FBXW7: variants seen among roughly 807,000 people sequenced by gnomAD.
FBXW7 encodes F-box and WD repeat domain containing 7, also known as F-box/WD repeat-containing protein 7.
A neutral mutation model predicts 86.3 loss-of-function variants in FBXW7; 11 were observed. The observed-to-expected ratio is 0.13, with a 90% confidence interval of 0.08 to 0.21. The LOEUF (loss-of-function observed/expected upper bound fraction) is 0.21. Ranked by LOEUF, FBXW7 falls within the 10% of genes least tolerant of loss-of-function variation. FBXW7 has a pLI of 1.00. For missense variants in FBXW7, 488 were observed against 847.4 expected, an observed-to-expected ratio of 0.58 and a Z score of 5.27; for synonymous variants, 313 against 297.9, an observed-to-expected ratio of 1.05 and a Z score of -0.52.
At chr4:152,371,172 T>C (rs1180960544) in intron 4 of FBXW7, among the ~76,000 whole-genome samples, 1 of 151,928 alleles carries the variant, frequency 6.6e-6, no homozygotes, top group African/African-American at 2.4e-5. Flanking sequence ...ATATCTACTG[T>C]TATTTATACC....
At chr4:152,392,797 T>C (rs1468379353) in intron 4 of FBXW7, among the ~76,000 whole-genome samples, 1 of 152,122 alleles carries the variant, frequency 6.6e-6, no homozygotes, top group Non-Finnish European at 1.5e-5. Flanking sequence ...AATGAAAACG[T>C]TAAGTGATCA....
chr4:152,361,965 C>CAAAAAA (rs569330155), intron 4 of FBXW7, among the ~76,000 whole-genome samples: 15 of 36,826 alleles, frequency 4.1e-4, no homozygotes, highest in East Asian at 1.4e-3. Flanking sequence ...GACTCCATCT[C>CAAAAAA]AAAAAAAAAA....
At chr4:152,382,277 C>G (rs763783421) in intron 4 of FBXW7, 2 of 1,603,426 alleles carry the variant, frequency 1.2e-6, no homozygotes, top group Admixed American at 3.4e-5. Context: ...CTCTTTTGCA[C>G]TTTTAAGATC....
chr4:152,402,715 G>GA, intron 4 of FBXW7, among the ~76,000 whole-genome samples: 1 of 152,140 alleles, frequency 6.6e-6, no homozygotes, highest in East Asian at 1.9e-4. Context: ...AGATAAATGA[G>GA]AAAAAATATA....
intron 2 of FBXW7, among the ~76,000 whole-genome samples, chr4:152,462,294 C>A (rs542846564): frequency 1.5e-4 from 23 of 152,320 alleles, no homozygotes; most frequent in African/African-American, 5.5e-4. Flanking sequence ...CAGCTGTTGG[C>A]CACGCAAATT....
At chr4:152,379,776 C>T (rs1734888839) in intron 4 of FBXW7, among the ~76,000 whole-genome samples, 1 of 152,142 alleles carries the variant, frequency 6.6e-6, no homozygotes. Flanking sequence ...TAAATTATCT[C>T]AGATGAGCAG....
In FBXW7 at chr4:152,374,890, G is replaced by T. The variant is rs182987898; in HGVS notation, c.502-24766C>A. Among the ~76,000 whole-genome samples the T allele has an allele frequency of 4.5e-3, 685 of 152,100 alleles. 4 individuals are homozygous for T. The highest frequency in any genetic ancestry group is 0.015 in the African/African-American group (624 of 41,530). ...TACCAAATAGACTAGTTACAGGAGG[G>T]GGGGGGATGATGCTGGCTTTTAAAA... On this transcript the variant is annotated intron_variant, in intron 4 of 13. Coordinates refer to ENST00000281708, the MANE Select transcript of FBXW7 (RefSeq NM_001349798.2).
At chr4:152,348,170 T>G (rs549915206) in intron 5 of FBXW7, among the ~76,000 whole-genome samples, 2 of 152,014 alleles carry the variant, frequency 1.3e-5, no homozygotes, top group Admixed American at 6.6e-5. Flanking sequence ...CAGCATTATT[T>G]TGTTAAAAAA....
rs940883209 is a variant in FBXW7, at chr4:152,536,026, G to GCAGCGC, written c.-1118_-1113dup. The GCAGCGC allele has an allele frequency of 9.1e-5, 20 of 219,622 alleles. No individual in the cohort carries two copies. The Admixed American group carries it at 1.1e-3, about 12-fold the overall frequency. 13.6% of individuals were successfully genotyped at this position (219,622 alleles called of 1,614,324 possible). A position where few individuals can be genotyped will look rare whatever the true frequency, so the allele number is the denominator to read the frequency against. ...GGCGGCGGCGGCGGCAGCGGCAGCG[G>GCAGCGC]CAGCGCCCGGAGCTCAGCTCGCTGT... On this transcript the variant is annotated 5_prime_UTR_variant, in exon 1 of 14. Transcript: ENST00000281708.
chr4:152,446,573 C>CT (rs1190233614), intron 2 of FBXW7, among the ~76,000 whole-genome samples: 1 of 152,076 alleles, frequency 6.6e-6, no homozygotes, highest in Admixed American at 6.5e-5. Flanking sequence ...AAATTAAATC[C>CT]AACTCTTTTA....
At chr4:152,434,087 C>T (rs1740158464) in intron 2 of FBXW7, among the ~76,000 whole-genome samples, 1 of 152,068 alleles carries the variant, frequency 6.6e-6, no homozygotes, top group Admixed American at 6.6e-5. Context: ...AGAGGACCAA[C>T]TTTGCATATA....
rs1427871370 is a variant in FBXW7 at position 152,330,849 on chromosome 4, G to A, written c.1005C>T (p.His335=). The A allele has an allele frequency of 1.2e-6, 2 of 1,611,748 alleles. No homozygotes were observed. The highest frequency in any genetic ancestry group is 2.2e-5 in the East Asian group (1 of 44,792). ...CKEEGIDEPL[H]IKRRKVIKPG... ...GTTTTATTACTTTTCTTCTCTTGAT[G>A]TGCAATGGTTCATCAATCCCTAAAG... Residue 335 remains histidine (H), a synonymous_variant, in exon 9 of 14, where the codon CAC becomes CAT. Coordinates refer to ENST00000281708, the MANE Select transcript of FBXW7 (RefSeq NM_001349798.2).
At chr4:152,384,735 T>A (rs78520069) in intron 4 of FBXW7, among the ~76,000 whole-genome samples, 1 of 151,942 alleles carries the variant, frequency 6.6e-6, no homozygotes, top group Non-Finnish European at 1.5e-5. Flanking sequence ...AAGTAAATGA[T>A]TGAAAATGGA....
chr4:152,330,645 CATATT>C (rs1218969528), intron 9 of FBXW7, 82 bp downstream of exon 9: 7 of 1,151,080 alleles, frequency 6.1e-6, no homozygotes, highest in African/African-American at 3.2e-5. Context: ...AGAGGAGTGT[CATATT>C]ATACAGTTTG....
chr4:152,357,145 A>C lies in FBXW7; in HGVS notation c.502-7021T>G, dbSNP rs9683552. On this transcript the variant is annotated intron_variant, in intron 4 of 13. Coordinates refer to ENST00000281708, the MANE Select transcript of FBXW7 (RefSeq NM_001349798.2). Reference sequence around the variant, plus strand: ...TGTGACACTAGTGCCTTAGAAAAAAATCCCAAACACTAAACACTGTAATAG... The same window carrying C: ...TGTGACACTAGTGCCTTAGAAAAAACTCCCAAACACTAAACACTGTAATAG... Among the ~76,000 whole-genome samples, 875 of 152,310 alleles carry C rather than the reference A, an allele frequency of 5.7e-3. 6 individuals are homozygous for C. Among genetic ancestry groups the C allele is most frequent in the Non-Finnish European group, 8.9e-3 (604 of 68,024 alleles).
chr4:152,408,404 T>C (rs961442965), intron 4 of FBXW7, among the ~76,000 whole-genome samples: 2 of 152,192 alleles, frequency 1.3e-5, no homozygotes, highest in African/African-American at 4.8e-5. Context: ...GAGACAGACA[T>C]TTGTATCTGG....
intron 2 of FBXW7, among the ~76,000 whole-genome samples, chr4:152,498,956 T>TA (rs926695258): frequency 1.3e-5 from 2 of 152,194 alleles, no homozygotes; most frequent in African/African-American, 2.4e-5. Flanking sequence ...TCTTTAAAGT[T>TA]AGACGATCAA....
chr4:152,445,564 T>G (rs993000782), intron 2 of FBXW7, among the ~76,000 whole-genome samples: 3 of 152,134 alleles, frequency 2.0e-5, no homozygotes, highest in Admixed American at 1.3e-4. Context: ...CTCTCATCTT[T>G]AAAAATAATC....
intron 13 of FBXW7, chr4:152,323,467 T>C: frequency 2.9e-6 from 1 of 347,696 alleles, no homozygotes; most frequent in African/African-American, 2.1e-5. Context: ...TGCAACTTCA[T>C]ACCTTCTGCT....
Sources: allele counts gnomAD v4.1 joint callset (sites outside exome capture counted in the v4.1 genomes callset), GRCh38; gene constraint gnomAD v4.1.1; transcripts MANE v1.5; gene names NCBI Gene and HGNC (gene_info 2026-07-23, HGNC 2026-07-21).